PLS1: variants seen among roughly 807,000 people sequenced by gnomAD.
The protein encoded by PLS1 is plastin-1.
PLS1 carries 32 observed loss-of-function variants against 73.7 expected under a neutral mutation model. The observed-to-expected ratio is 0.43, with a 90% CI of 0.33 to 0.58. The LOEUF (loss-of-function observed/expected upper bound fraction) is 0.58, where lower values mean the gene tolerates loss of function less well. Among genes scored for constraint, PLS1 ranks in the 20% least tolerant of loss-of-function variants. The probability of loss-of-function intolerance (pLI) is 0.04; values close to 1 mark genes in which losing one functional copy is unlikely to be tolerated. For synonymous variants in PLS1, 217 were observed against 261.3 expected (o/e 0.83, Z 1.63); for missense variants, 633 against 740.5 (o/e 0.85, Z 1.68).
Position 142,712,023 on chromosome 3 carries a change from T to A in PLS1, c.*16T>A, listed in dbSNP as rs1577923285. 1.2e-6 allele frequency: 2 copies of A among 1,607,702 alleles called. No homozygotes were observed. Among genetic ancestry groups the A allele is most frequent in the East Asian group, 4.5e-5 (2 of 44,806 alleles). Reference sequence around the variant, plus strand: ...AATAAAATAATCATTTCATATGATTTTCTGCCACATTAAACATATTGTATG... The same window carrying A: ...AATAAAATAATCATTTCATATGATTATCTGCCACATTAAACATATTGTATG... On this transcript the variant is annotated 3_prime_UTR_variant, in exon 16 of 16. Coordinates refer to ENST00000457734, the MANE Select transcript of PLS1 (RefSeq NM_001145319.2).
intron 1 of PLS1, among the ~76,000 whole-genome samples, chr3:142,602,053 A>G (rs1247519515): frequency 2.6e-5 from 4 of 152,260 alleles, no homozygotes; most frequent in African/African-American, 9.6e-5. Context: ...GGAACCACCA[A>G]CATTCTTTGA....
At chr3:142,707,156 T>G (rs2038479503) in intron 14 of PLS1, among the ~76,000 whole-genome samples, 2 of 152,154 alleles carry the variant, frequency 1.3e-5, no homozygotes, top group Admixed American at 1.3e-4. Context: ...AATGATAAAA[T>G]CTTTAAAGAG....
At chr3:142,617,909 C>T (rs1400301189) in intron 1 of PLS1, among the ~76,000 whole-genome samples, 1 of 152,178 alleles carries the variant, frequency 6.6e-6, no homozygotes, top group African/African-American at 2.4e-5. Context: ...ACCCAGGAGG[C>T]AGACGTTGCA....
At chr3:142,698,961 A>T (rs1444577876) in intron 12 of PLS1, among the ~76,000 whole-genome samples, 4 of 152,182 alleles carry the variant, frequency 2.6e-5, no homozygotes, top group African/African-American at 9.7e-5. Flanking sequence ...CACCCATAAG[A>T]TGAAGTAAAA....
Position 142,657,986 on chromosome 3 carries a change from T to A in PLS1, c.-36-6216T>A, listed in dbSNP as rs190901418. Among the ~76,000 whole-genome samples the A allele has an allele frequency of 9.6e-4, 146 of 152,328 alleles. 2 individuals are homozygous for A. The highest frequency in any genetic ancestry group is 3.4e-3 in the African/African-American group (140 of 41,572). On this transcript the variant is annotated intron_variant, in intron 1 of 15. Coordinates refer to ENST00000457734, the MANE Select transcript of PLS1 (RefSeq NM_001145319.2). ...TTTTATTATTTTTATGGCTTGATTT[T>A]CCTTTATTAGTGGCTTGTGGCTTTG...
At chr3:142,688,817 G>A (rs7635167) in intron 9 of PLS1, among the ~76,000 whole-genome samples, 5,880 of 152,126 alleles carry the variant, frequency 0.039, 388 homozygotes, top group African/African-American at 0.13. Context: ...AGGTATTTGG[G>A]TTGTTTCATT....
intron 1 of PLS1, among the ~76,000 whole-genome samples, chr3:142,641,257 A>C (rs903569960): frequency 6.9e-5 from 10 of 145,356 alleles, no homozygotes; most frequent in Non-Finnish European, 1.0e-4. Context: ...ATATCTCTCT[A>C]TATATTATAT....
chr3:142,697,306 C>T (rs1253395844), intron 11 of PLS1, among the ~76,000 whole-genome samples: 3 of 152,206 alleles, frequency 2.0e-5, no homozygotes, highest in East Asian at 3.9e-4. Context: ...TGTGATTTTC[C>T]TGTAATTATG....
At chr3:142,666,632 C>T (rs992223508) in intron 2 of PLS1, among the ~76,000 whole-genome samples, 12 of 152,086 alleles carry the variant, frequency 7.9e-5, no homozygotes, top group Admixed American at 5.9e-4. Flanking sequence ...TGTTGAAGTC[C>T]CTGCTTTCAA....
chr3:142,632,807 C>T lies in PLS1; in HGVS notation c.-36-31395C>T, dbSNP rs575731999. Among the ~76,000 whole-genome samples, 27 of 152,210 alleles carry T rather than the reference C, an allele frequency of 1.8e-4. No individual in the cohort carries two copies. The East Asian group carries it at 4.8e-3, about 27-fold the overall frequency. On this transcript the variant is annotated intron_variant, in intron 1 of 15. Coordinates refer to ENST00000457734, the MANE Select transcript of PLS1 (RefSeq NM_001145319.2). ...AGAAATGGGGTTTTACCATGTTGGC[C>T]GGGCTGGTCTCAAACTCCTGACCTC...
chr3:142,669,580 C>G (rs777681464), intron 3 of PLS1, 27 bp downstream of exon 3: 2 of 1,566,194 alleles, frequency 1.3e-6, no homozygotes, highest in Admixed American at 3.5e-5. Flanking sequence ...TTTCGGGCTA[C>G]TGATAATCTT....
chr3:142,658,375 C>T (rs1366053913), intron 1 of PLS1, among the ~76,000 whole-genome samples: 1 of 151,466 alleles, frequency 6.6e-6, no homozygotes, highest in Non-Finnish European at 1.5e-5. Flanking sequence ...ACTCGGGAGG[C>T]TGAGGTAGGA....
At chr3:142,703,836 C>G (rs554401108) in intron 12 of PLS1, 32 bp from the exon 13 acceptor site, 2 of 1,523,496 alleles carry the variant, frequency 1.3e-6, no homozygotes, top group African/African-American at 1.4e-5. Context: ...TTTTAAAAAT[C>G]TTTTTATACC....
intron 1 of PLS1, among the ~76,000 whole-genome samples, chr3:142,600,908 A>ATTTTTTT (rs2035909819): frequency 3.6e-5 from 1 of 27,534 alleles, no homozygotes; most frequent in African/African-American, 2.6e-4. Flanking sequence ...ATATATATAT[A>ATTTTTTT]TATATATATT....
At chr3:142,670,888 TATTTA>T in intron 3 of PLS1, 100 bp from the exon 4 acceptor site, 1 of 707,380 alleles carries the variant, frequency 1.4e-6, no homozygotes, top group Non-Finnish European at 2.3e-6. Flanking sequence ...AACTGACTAG[TATTTA>T]ATTTGGTGTC....
At chr3:142,674,657 A>G (rs191514105) in intron 4 of PLS1, among the ~76,000 whole-genome samples, 1 of 152,304 alleles carries the variant, frequency 6.6e-6, no homozygotes, top group East Asian at 1.9e-4. Flanking sequence ...ACTAGAAGCC[A>G]TGTGTTGAGA....
At chr3:142,710,164 ACT>A (rs1471098011) in intron 14 of PLS1, among the ~76,000 whole-genome samples, 11 of 146,090 alleles carry the variant, frequency 7.5e-5, no homozygotes, top group South Asian at 2.1e-4. Flanking sequence ...GTCATTCAGG[ACT>A]CTTTTTTTTT....
intron 1 of PLS1, among the ~76,000 whole-genome samples, chr3:142,600,732 G>A (rs1313290578): frequency 6.6e-6 from 1 of 151,298 alleles, no homozygotes; most frequent in African/African-American, 2.4e-5. Flanking sequence ...CTTGCACACT[G>A]TGGTTGACCA....
At chr3:142,602,201 AT>A (rs2035939833) in intron 1 of PLS1, among the ~76,000 whole-genome samples, 1 of 150,482 alleles carries the variant, frequency 6.6e-6, no homozygotes, top group Non-Finnish European at 1.5e-5. Flanking sequence ...TGGGTACACC[AT>A]TAAAGCCACT....
Sources: gnomAD v4.1 joint callset for allele counts (sites outside exome capture counted in the v4.1 genomes callset) on GRCh38, gnomAD v4.1.1 for gene constraint, MANE v1.5 for transcripts, NCBI Gene and HGNC (gene_info 2026-07-23, HGNC 2026-07-21) for gene names.